The following CLASP2 variants were observed in gnomAD, a reference collection of about 807,000 sequenced individuals.
CLASP2 encodes cytoplasmic linker associated protein 2.
A neutral mutation model predicts 194.4 loss-of-function variants in CLASP2; 47 were observed. The observed-to-expected ratio is 0.24, with a 90% CI of 0.19 to 0.31. The LOEUF (loss-of-function observed/expected upper bound fraction) is 0.31, where lower values mean the gene tolerates loss of function less well. CLASP2 is among the 10% of genes least tolerant of loss of function. The probability of loss-of-function intolerance (pLI) is 1.00; values close to 1 mark genes in which losing one functional copy is unlikely to be tolerated. For missense variants in CLASP2, 1,445 were observed against 1,823.6 expected (o/e 0.79, Z 3.78); for synonymous variants, 619 against 633.5 (o/e 0.98, Z 0.34).
At chr3:33,631,107 G>C (rs1320629441) in intron 9 of CLASP2, among the ~76,000 whole-genome samples, 1 of 152,062 alleles carries the variant, frequency 6.6e-6, no homozygotes, top group Non-Finnish European at 1.5e-5. Context: ...GGTAATACAG[G>C]CAATAGAAGG....
At chr3:33,648,102 A>T (rs192920917) in intron 7 of CLASP2, among the ~76,000 whole-genome samples, 1 of 152,262 alleles carries the variant, frequency 6.6e-6, no homozygotes, top group African/African-American at 2.4e-5. Context: ...GATTAACTGA[A>T]AAGAAGAGAT....
chr3:33,537,350 AG>A (rs2057541336), intron 33 of CLASP2, among the ~76,000 whole-genome samples: 1 of 152,228 alleles, frequency 6.6e-6, no homozygotes, highest in African/African-American at 2.4e-5. Context: ...TCTGCCAGAT[AG>A]GCACAGTGAG....
At chr3:33,555,568 A>AT (rs1304450855) in intron 29 of CLASP2, among the ~76,000 whole-genome samples, 2 of 152,022 alleles carry the variant, frequency 1.3e-5, no homozygotes, top group Admixed American at 6.6e-5. Context: ...GGGTTTTGCC[A>AT]TGTTGCCCAG....
At chr3:33,592,220 T>C in intron 21 of CLASP2, 175 bp downstream of exon 21, 1 of 709,368 alleles carries the variant, frequency 1.4e-6, no homozygotes, top group Admixed American at 2.0e-5. Flanking sequence ...TACCTTCATT[T>C]TTGTCAGGTG....
At chr3:33,664,455 T>C (rs1231714711) in intron 6 of CLASP2, among the ~76,000 whole-genome samples, 1 of 152,180 alleles carries the variant, frequency 6.6e-6, no homozygotes, top group African/African-American at 2.4e-5. Flanking sequence ...CCTAAAACCT[T>C]ACTTAAGCCT....
At chr3:33,695,220 A>ATTT (rs762657276) in intron 2 of CLASP2, among the ~76,000 whole-genome samples, 4 of 103,840 alleles carry the variant, frequency 3.9e-5, no homozygotes, top group East Asian at 5.4e-4. Flanking sequence ...AAGCCTGCTA[A>ATTT]TTTTTTTTTT....
chr3:33,576,434 G>T, intron 23 of CLASP2, 159 bp from the exon 24 acceptor site: 1 of 572,232 alleles, frequency 1.7e-6, no homozygotes, highest in Non-Finnish European at 3.2e-6. Flanking sequence ...TTAGTTTTTG[G>T]CAAAATAAAA....
chr3:33,558,039 C>A (rs182970698), intron 29 of CLASP2, among the ~76,000 whole-genome samples: 1 of 152,218 alleles, frequency 6.6e-6, no homozygotes, highest in Non-Finnish European at 1.5e-5. Context: ...ATCCCCCACT[C>A]ACCCAGAGAC....
intron 8 of CLASP2, among the ~76,000 whole-genome samples, chr3:33,638,510 G>A (rs1288387202): frequency 6.6e-6 from 1 of 152,076 alleles, no homozygotes; most frequent in African/African-American, 2.4e-5. Flanking sequence ...GTTTCACCGT[G>A]TTAGCCAGGA....
At chr3:33,706,798 G>C (rs1225776281) in intron 1 of CLASP2, among the ~76,000 whole-genome samples, 1 of 151,310 alleles carries the variant, frequency 6.6e-6, no homozygotes, top group Non-Finnish European at 1.5e-5. Flanking sequence ...CCTATCTCTA[G>C]AAAAAAAAAT....
At position 33,497,955 on chromosome 3, in the gene CLASP2, T is replaced by C. The variant is rs533562026; in HGVS notation, c.*676A>G. The C allele has an allele frequency of 1.3e-5, 2 of 152,714 alleles. No individual in the cohort carries two copies. The highest frequency in any genetic ancestry group is 1.3e-4 in the Admixed American group (2 of 15,284). 9.5% of individuals were successfully genotyped at this position (152,714 alleles called of 1,614,324 possible). A position where few individuals can be genotyped will look rare whatever the true frequency, so the allele number is the denominator to read the frequency against. ...TTAAGGGATCATAGAAGGGACATGG[T>C]TTTAAATAAAGATGGCAAGATCAAT... On this transcript the variant is annotated 3_prime_UTR_variant, in exon 39 of 39. Transcript: ENST00000682230.
intron 18 of CLASP2, among the ~76,000 whole-genome samples, chr3:33,599,106 TA>T (rs1382023843): frequency 1.7e-5 from 1 of 59,628 alleles, no homozygotes; most frequent in Admixed American, 2.3e-4. Flanking sequence ...GTTGTTGTCT[TA>T]TTTATTTATT....
chr3:33,497,791 A>C lies in CLASP2; in HGVS notation c.*840T>G, dbSNP rs1575525146. On this transcript the variant is annotated 3_prime_UTR_variant, in exon 39 of 39. Transcript: ENST00000682230. ...CGTTTCCATTATCAAGTTTATTCAT[A>C]AGTGAATTTGATATTAATAAATACA... 1 of 152,532 alleles carries C rather than the reference A, an allele frequency of 6.6e-6. No homozygotes were observed. Among genetic ancestry groups the C allele is most frequent in the East Asian group, 1.9e-4 (1 of 5,200 alleles). The allele number at this position is 152,532 out of a possible 1,614,324, so 9.4% of individuals were successfully genotyped here.
chr3:33,540,686 T>G (rs75049208), intron 32 of CLASP2, among the ~76,000 whole-genome samples: 4,176 of 152,218 alleles, frequency 0.027, 173 homozygotes, highest in African/African-American at 0.092. Flanking sequence ...TGATGTATTA[T>G]CCAATAATGT....
intron 16 of CLASP2, among the ~76,000 whole-genome samples, chr3:33,606,112 G>A (rs1048909932): frequency 3.3e-5 from 5 of 151,966 alleles, no homozygotes; most frequent in Non-Finnish European, 7.4e-5. Context: ...CCGTCATCAA[G>A]ATGAGAATGG....
chr3:33,562,679 T>TTTCA (rs1267207735), intron 27 of CLASP2, among the ~76,000 whole-genome samples: 10 of 152,188 alleles, frequency 6.6e-5, no homozygotes, highest in Non-Finnish European at 1.5e-4. Context: ...TTCACCCTTG[T>TTTCA]TTCAACACTT....
chr3:33,688,213 A>T, intron 4 of CLASP2, 64 bp downstream of exon 4: 1 of 1,266,480 alleles, frequency 7.9e-7, no homozygotes. Context: ...TGACTTTGTG[A>T]ACTGAGGTTT....
At chr3:33,652,796 A>G (rs2083432445) in intron 7 of CLASP2, among the ~76,000 whole-genome samples, 1 of 152,124 alleles carries the variant, frequency 6.6e-6, no homozygotes, top group Non-Finnish European at 1.5e-5. Context: ...AGTCCTCCCC[A>G]ATCCCAGTAA....
In CLASP2 at chr3:33,535,335, G is replaced by T; in HGVS notation, c.3685C>A (p.Arg1229=). The change falls in exon 34 of 39, where the codon CGA becomes AGA. Residue 1229 remains arginine (R), a synonymous_variant. Transcript: ENST00000682230. ...GAATAGTTATATGGATTATAGTCTCGAGAGCGTGGAGAGGAGTGAGTAGGC... is the reference window on the plus strand; with the variant it reads ...GAATAGTTATATGGATTATAGTCTCTAGAGCGTGGAGAGGAGTGAGTAGGC... ...SMPTHSSPRS[R]DYNPYNYSDS... is the part of the protein sequence containing the mutation. 6.2e-7 allele frequency: 1 copy of T among 1,613,752 alleles called. No individual in the cohort carries two copies. The highest frequency in any genetic ancestry group is 8.5e-7 in the Non-Finnish European group (1 of 1,179,786).
Sources: gnomAD v4.1 joint callset for allele counts (sites outside exome capture counted in the v4.1 genomes callset) on GRCh38, gnomAD v4.1.1 for gene constraint, MANE v1.5 for transcripts, NCBI Gene and HGNC (gene_info 2026-07-23, HGNC 2026-07-21) for gene names.